Variants in ANKDD1A observed in about 807,000 individuals in gnomAD.
The protein encoded by ANKDD1A is ankyrin repeat and death domain containing 1A, also known as ankyrin repeat and death domain-containing protein 1A.
ANKDD1A carries 59 observed loss-of-function variants against 63.5 expected under a neutral mutation model. That is an observed-to-expected ratio of 0.93 (90% confidence interval 0.75 to 1.15). The LOEUF (loss-of-function observed/expected upper bound fraction) is 1.15. Among genes scored for constraint, ANKDD1A ranks in the 50% most tolerant of loss-of-function variants. The probability of loss-of-function intolerance (pLI) is 0.00; values close to 1 mark genes in which losing one functional copy is unlikely to be tolerated. For missense variants in ANKDD1A, 632 were observed against 656.4 expected, an observed-to-expected ratio of 0.96 and a Z score of 0.41; for synonymous variants, 266 against 263.9, an observed-to-expected ratio of 1.01 and a Z score of -0.08.
At chr15:64,922,076 G>C in intron 4 of ANKDD1A, 57 bp downstream of exon 4, 1 of 1,527,240 alleles carries the variant, frequency 6.5e-7, no homozygotes, top group East Asian at 2.3e-5. Context: ...TGGATGCACA[G>C]GTCTCCCCCG....
intron 1 of ANKDD1A, among the ~76,000 whole-genome samples, chr15:64,912,753 C>G (rs1330046492): frequency 1.3e-5 from 2 of 152,278 alleles, no homozygotes; most frequent in Non-Finnish European, 2.9e-5. Context: ...CATAGTGCAG[C>G]TCACTGGATT....
intron 13 of ANKDD1A, 122 bp downstream of exon 13, chr15:64,947,715 A>G: frequency 8.6e-7 from 1 of 1,162,748 alleles, no homozygotes; most frequent in Non-Finnish European, 1.2e-6. Flanking sequence ...CTGGTCCCAC[A>G]CTGTCCAACA....
At chr15:64,915,235 G>T (rs2140363199) in intron 1 of ANKDD1A, among the ~76,000 whole-genome samples, 1 of 152,314 alleles carries the variant, frequency 6.6e-6, no homozygotes, top group African/African-American at 2.4e-5. Flanking sequence ...AACCTGGGAG[G>T]CAGAGGTTGC....
intron 14 of ANKDD1A, among the ~76,000 whole-genome samples, chr15:64,951,741 C>CT (rs1595858613): frequency 0.071 from 781 of 10,960 alleles, 6 homozygotes; most frequent in Non-Finnish European, 0.28. Flanking sequence ...TTTCCTCCTT[C>CT]TTCCTCTTCT....
At chr15:64,953,195 T>C (rs1450330195) in intron 14 of ANKDD1A, among the ~76,000 whole-genome samples, 3 of 98,652 alleles carry the variant, frequency 3.0e-5, no homozygotes, top group African/African-American at 9.9e-5. Context: ...CTTCCTCTTC[T>C]TATTCTTTCT....
At chr15:64,948,832 GAAAA>G (rs886808535) in intron 13 of ANKDD1A, among the ~76,000 whole-genome samples, 4 of 146,308 alleles carry the variant, frequency 2.7e-5, no homozygotes, top group Admixed American at 6.8e-5. Context: ...TCTCCCAAAG[GAAAA>G]AAAAAAGATT....
intron 3 of ANKDD1A, among the ~76,000 whole-genome samples, chr15:64,919,017 AAGAC>A (rs1037608546): frequency 1.3e-5 from 2 of 152,164 alleles, no homozygotes; most frequent in African/African-American, 4.8e-5. Flanking sequence ...TTTGAAAAAT[AAGAC>A]AGCCTGCTGG....
intron 14 of ANKDD1A, among the ~76,000 whole-genome samples, chr15:64,951,851 TTTC>T (rs1203288531): frequency 4.3e-4 from 12 of 27,838 alleles, no homozygotes; most frequent in Non-Finnish European, 5.9e-4. Context: ...TTTCTTCTTC[TTTC>T]TTCTTCCTCT....
intron 13 of ANKDD1A, among the ~76,000 whole-genome samples, chr15:64,948,523 T>G (rs557186361): frequency 2.6e-5 from 4 of 151,926 alleles, no homozygotes; most frequent in Non-Finnish European, 4.4e-5. Context: ...CAAAATAAAA[T>G]TAACATAAAG....
At chr15:64,951,310 CTTCTTCT>C (rs2085268818) in intron 14 of ANKDD1A, 3 of 810,788 alleles carry the variant, frequency 3.7e-6, no homozygotes, top group Non-Finnish European at 4.3e-6. Context: ...TTCTTCTCTT[CTTCTTCT>C]TTCTTCTTTC....
At chr15:64,954,691 CCTTGTTCTTCTCCTTCTTCTTCTCCTT>C (rs1181694887) in intron 14 of ANKDD1A, among the ~76,000 whole-genome samples, 7 of 145,084 alleles carry the variant, frequency 4.8e-5, no homozygotes, top group Admixed American at 3.5e-4. Context: ...CTCTCCTTCT[CCTTGTTCTTCTCCTTCTTCTTCTCCTT>C]CTCCTCCTCC....
rs1398845052 is a variant in ANKDD1A at position 64,947,717 on chromosome 15, T to C, written c.1351+124T>C. 4 of 1,162,738 alleles carry C rather than the reference T, an allele frequency of 3.4e-6. No homozygotes were observed. The African/African-American group carries it at 6.1e-5, about 18-fold the overall frequency. 72.0% of individuals were successfully genotyped at this position (1,162,738 alleles called of 1,614,324 possible). On this transcript the variant is annotated intron_variant, in intron 13 of 14. Coordinates refer to ENST00000319580, the MANE Select transcript of ANKDD1A (RefSeq NM_182703.6). ...TGCAACCCACAGCCTGGTCCCACAC[T>C]GTCCAACACACCTGGTGCTCTGTCC...
intron 4 of ANKDD1A, among the ~76,000 whole-genome samples, chr15:64,923,883 A>G (rs369712476): frequency 5.3e-5 from 8 of 152,300 alleles, no homozygotes; most frequent in African/African-American, 1.9e-4. Context: ...TTCTAGAATG[A>G]GGGAGGCGGG....
intron 13 of ANKDD1A, 128 bp downstream of exon 13, chr15:64,947,721 C>A: frequency 2.7e-6 from 3 of 1,128,098 alleles, no homozygotes; most frequent in Non-Finnish European, 3.8e-6. Context: ...CCACACTGTC[C>A]AACACACCTG....
intron 9 of ANKDD1A, among the ~76,000 whole-genome samples, chr15:64,941,333 C>G (rs1465442370): frequency 6.6e-6 from 1 of 152,078 alleles, no homozygotes; most frequent in Non-Finnish European, 1.5e-5. Context: ...ATACCATAGA[C>G]TGGGTGACTT....
At position 64,957,167 on chromosome 15, in the gene ANKDD1A, T is replaced by C. The variant is rs111486986; in HGVS notation, c.1548T>C (p.Leu516=). The change falls in exon 15 of 15, where the codon CTT becomes CTC. Residue 516 remains leucine (L), a synonymous_variant. Transcript: ENST00000319580. ...CCGCCTCCCGGGTTCAAATGATTCT[T>C]GTGCCTCAGCCTCCCGAGTAGCTGG... ...ATSASRVQMI[L]VPQPPE 0.94 allele frequency: 397,058 copies of C among 422,372 alleles called. 188,031 individuals carry two copies. The highest frequency in any genetic ancestry group is 1 in the East Asian group (10,738 of 10,750). 26.2% of individuals were successfully genotyped at this position (422,372 alleles called of 1,614,324 possible).
chr15:64,951,768 TTCTTC>T, intron 14 of ANKDD1A, among the ~76,000 whole-genome samples: 1 of 127,068 alleles, frequency 7.9e-6, no homozygotes, highest in East Asian at 2.0e-4. Flanking sequence ...TTTCCTTTTC[TTCTTC>T]TTTCCTTTCT....
At chr15:64,934,728 G>A (rs2085115456) in intron 9 of ANKDD1A, among the ~76,000 whole-genome samples, 1 of 148,444 alleles carries the variant, frequency 6.7e-6, no homozygotes, top group East Asian at 2.0e-4. Flanking sequence ...ATGTTGGCCA[G>A]GCTGGTCTTG....
chr15:64,941,130 C>T (rs1053248107), intron 9 of ANKDD1A, among the ~76,000 whole-genome samples: 1 of 152,028 alleles, frequency 6.6e-6, no homozygotes, highest in Non-Finnish European at 1.5e-5. Context: ...CTAATTATAT[C>T]CTTCATAGTT....
Sources: gnomAD v4.1 joint callset for allele counts (sites outside exome capture counted in the v4.1 genomes callset) on GRCh38, gnomAD v4.1.1 for gene constraint, MANE v1.5 for transcripts, NCBI Gene and HGNC (gene_info 2026-07-23, HGNC 2026-07-21) for gene names.